The following NEK10 variants were observed in gnomAD, a reference collection of about 807,000 sequenced individuals.
The protein encoded by NEK10 is NIMA related kinase 10, also known as serine/threonine-protein kinase Nek10.
A neutral mutation model predicts 159.8 loss-of-function variants in NEK10; 122 were observed. The ratio of observed to expected loss-of-function variants is 0.76; its 90% CI spans 0.66 to 0.89. The LOEUF (loss-of-function observed/expected upper bound fraction) is 0.89, where lower values mean the gene tolerates loss of function less well. NEK10 is among the 40% of genes least tolerant of loss of function. NEK10 has a pLI of 0.00. For synonymous variants in NEK10, 466 were observed against 457.1 expected (o/e 1.02, Z -0.25); for missense variants, 1,342 against 1,323.1 (o/e 1.01, Z -0.22).
chr3:27,274,344 C>A (rs138260877), intron 22 of NEK10, among the ~76,000 whole-genome samples: 398 of 152,302 alleles, frequency 2.6e-3, no homozygotes, highest in African/African-American at 8.6e-3. Context: ...AACTCCATAT[C>A]TGTGGTACAT....
chr3:27,197,059 T>A (rs1284735234), intron 25 of NEK10, among the ~76,000 whole-genome samples: 1 of 152,176 alleles, frequency 6.6e-6, no homozygotes, highest in Non-Finnish European at 1.5e-5. Context: ...CATATGTTAC[T>A]TTGTGTAATC....
chr3:27,340,431 G>T (rs539348277), intron 5 of NEK10, among the ~76,000 whole-genome samples: 5 of 152,024 alleles, frequency 3.3e-5, no homozygotes, highest in Non-Finnish European at 5.9e-5. Flanking sequence ...CCTAGACAAC[G>T]GGTGGATAGG....
chr3:27,125,086 G>A (rs961618871), intron 32 of NEK10, among the ~76,000 whole-genome samples: 18 of 151,786 alleles, frequency 1.2e-4, no homozygotes, highest in South Asian at 4.2e-4. Flanking sequence ...ATATACTTTC[G>A]AACTAAACTA....
intron 5 of NEK10, among the ~76,000 whole-genome samples, chr3:27,333,861 A>G (rs1011504282): frequency 6.6e-6 from 1 of 152,162 alleles, no homozygotes; most frequent in Non-Finnish European, 1.5e-5. Context: ...ACCATGGGCT[A>G]CCATACCTGG....
chr3:27,123,089 A>G (rs1371841434), intron 32 of NEK10, among the ~76,000 whole-genome samples: 4 of 152,260 alleles, frequency 2.6e-5, no homozygotes, highest in South Asian at 4.1e-4. Context: ...TTAGCAAACT[A>G]TTTTTTGCCC....
chr3:27,214,966 A>C (rs974861839), intron 23 of NEK10: 13 of 774,374 alleles, frequency 1.7e-5, no homozygotes, highest in Non-Finnish European at 1.6e-5. Flanking sequence ...GCCTATCTTC[A>C]CGACCACATC....
chr3:27,228,205 C>T (rs745466418), intron 23 of NEK10, among the ~76,000 whole-genome samples: 2 of 152,116 alleles, frequency 1.3e-5, no homozygotes, highest in African/African-American at 2.4e-5. Flanking sequence ...TTTTCACTTC[C>T]CAATTTACTA....
At chr3:27,278,040 T>C (rs117842523) in intron 22 of NEK10, among the ~76,000 whole-genome samples, 2,083 of 152,314 alleles carry the variant, frequency 0.014, 29 homozygotes, top group East Asian at 0.057. Flanking sequence ...TTTGCCTAAA[T>C]GGAACAAATA....
intron 23 of NEK10, among the ~76,000 whole-genome samples, chr3:27,210,228 G>T (rs917080682): frequency 6.6e-6 from 1 of 152,136 alleles, no homozygotes; most frequent in African/African-American, 2.4e-5. Flanking sequence ...GGCTGCATCT[G>T]GTGAGGGCCC....
chr3:27,249,635 T>C (rs1445082143), intron 23 of NEK10, among the ~76,000 whole-genome samples: 3 of 151,980 alleles, frequency 2.0e-5, no homozygotes, highest in African/African-American at 7.3e-5. Context: ...GCATTTTTAA[T>C]AGGCAACAGA....
chr3:27,208,164 C>G (rs2120892), intron 23 of NEK10, among the ~76,000 whole-genome samples: 105,421 of 151,800 alleles, frequency 0.69, 38,437 homozygotes, highest in African/African-American at 0.93. Context: ...CACTATGGTA[C>G]GATAGGAGTT....
In NEK10 at chr3:27,322,238, G is replaced by C. The variant is rs1392046180; in HGVS notation, c.386C>G (p.Ser129Cys). The part of the protein sequence containing the change: ...ISREWVNRAP[S>C]IHFLRVLICL... ...GATTAACACTCTCAGAAAATGAATAGATGGGGCTCGATTAACCCACTCTCT... is the reference window on the plus strand; with the variant it reads ...GATTAACACTCTCAGAAAATGAATACATGGGGCTCGATTAACCCACTCTCT... The change falls in exon 6 of 36, where the codon TCT becomes TGT. Residue 129 changes from serine to cysteine, a missense_variant. Ser to Cys is a moderately radical substitution (Grantham distance 112). Transcript: ENST00000691995. 1 of 1,553,070 alleles carries C rather than the reference G, an allele frequency of 6.4e-7. No homozygotes were observed. The highest frequency in any genetic ancestry group is 1.9e-5 in the Admixed American group (1 of 52,980).
chr3:27,283,820 A>C (rs2042376563), intron 22 of NEK10, among the ~76,000 whole-genome samples: 1 of 152,210 alleles, frequency 6.6e-6, no homozygotes, highest in African/African-American at 2.4e-5. Context: ...ATAGCCCTCC[A>C]TATGTACATT....
At chr3:27,296,260 T>C (rs2043346980) in intron 14 of NEK10, among the ~76,000 whole-genome samples, 1 of 152,172 alleles carries the variant, frequency 6.6e-6, no homozygotes, top group Non-Finnish European at 1.5e-5. Context: ...TGCAAAGAGC[T>C]TTATTTGCCT....
chr3:27,345,964 AAG>A, intron 4 of NEK10, 120 bp downstream of exon 4: 1 of 778,600 alleles, frequency 1.3e-6, no homozygotes, highest in East Asian at 2.9e-5. Flanking sequence ...ATATTAAATT[AAG>A]AATCGCTATG....
At chr3:27,296,104 A>G (rs2043336710) in intron 14 of NEK10, among the ~76,000 whole-genome samples, 1 of 152,132 alleles carries the variant, frequency 6.6e-6, no homozygotes, top group Non-Finnish European at 1.5e-5. Flanking sequence ...TGTCTTTATT[A>G]TAATCTTGAC....
At chr3:27,160,390 CAACCAATCATCCAA>C (rs1488926563) in intron 30 of NEK10, among the ~76,000 whole-genome samples, 10 of 152,154 alleles carry the variant, frequency 6.6e-5, no homozygotes, top group Non-Finnish European at 1.3e-4. Context: ...TTTGATAAAG[CAACCAATCATCCAA>C]ATTGACTTGC....
rs375797954 is a variant in NEK10, at chr3:27,160,341, G to A, written c.2869+2360C>T. Among the ~76,000 whole-genome samples, 11 of 152,280 alleles carry A rather than the reference G, an allele frequency of 7.2e-5. No homozygotes were observed. The East Asian group carries it at 1.7e-3, about 24-fold the overall frequency. On this transcript the variant is annotated intron_variant, in intron 30 of 35. Coordinates refer to ENST00000691995, the MANE Select transcript of NEK10 (RefSeq NM_001394966.1). ...GATTACAGCATGGTTTGCAGATGTG[G>A]TGACCTAAGTGAATGGCACTGGCAC...
intron 25 of NEK10, among the ~76,000 whole-genome samples, chr3:27,197,068 T>C (rs1185890341): frequency 6.6e-6 from 1 of 152,130 alleles, no homozygotes; most frequent in Non-Finnish European, 1.5e-5. Context: ...CTTTGTGTAA[T>C]CATCACATCA....
Sources: allele counts gnomAD v4.1 joint callset (sites outside exome capture counted in the v4.1 genomes callset), GRCh38; gene constraint gnomAD v4.1.1; transcripts MANE v1.5; gene names NCBI Gene and HGNC (gene_info 2026-07-23, HGNC 2026-07-21).